KCND2: variants seen among roughly 807,000 people sequenced by gnomAD.
The protein encoded by KCND2 is A-type voltage-gated potassium channel KCND2.
KCND2 carries 16 observed loss-of-function variants against 54.4 expected under a neutral mutation model. The observed-to-expected ratio is 0.29, with a 90% CI of 0.20 to 0.45. The LOEUF (loss-of-function observed/expected upper bound fraction) is 0.45. KCND2 is among the 20% of genes least tolerant of loss of function. KCND2 has a pLI of 1.00. For synonymous variants in KCND2, 317 were observed against 310.7 expected (o/e 1.02, Z -0.21); for missense variants, 486 against 824.2 (o/e 0.59, Z 5.02).
At chr7:120,640,165 T>C (rs1462438142) in intron 1 of KCND2, among the ~76,000 whole-genome samples, 3 of 152,174 alleles carry the variant, frequency 2.0e-5, no homozygotes, top group Non-Finnish European at 2.9e-5. Context: ...GATTGAGCCT[T>C]CACTGAAATT....
chr7:120,645,206 G>A (rs192159703), intron 1 of KCND2, among the ~76,000 whole-genome samples: 97 of 152,316 alleles, frequency 6.4e-4, no homozygotes, highest in Non-Finnish European at 1.9e-4. Context: ...CTGCGTATAA[G>A]CCGGCCGCTT....
At chr7:120,443,784 C>A (rs1164019097) in intron 1 of KCND2, among the ~76,000 whole-genome samples, 3 of 151,936 alleles carry the variant, frequency 2.0e-5, no homozygotes, top group Non-Finnish European at 4.4e-5. Flanking sequence ...AACTGGAGTG[C>A]TTTTGGCTTT....
At chr7:120,284,389 T>C (rs891329534) in intron 1 of KCND2, among the ~76,000 whole-genome samples, 2 of 152,148 alleles carry the variant, frequency 1.3e-5, no homozygotes, top group East Asian at 1.9e-4. Context: ...ACCATCTTAG[T>C]GCACTTTGGA....
intron 1 of KCND2, among the ~76,000 whole-genome samples, chr7:120,422,074 G>A (rs2116136855): frequency 6.6e-6 from 1 of 152,316 alleles, no homozygotes; most frequent in Non-Finnish European, 1.5e-5. Flanking sequence ...ATGAAAAAAG[G>A]AGTGAAGGGG....
chr7:120,351,547 ATGT>A (rs886481002), intron 1 of KCND2, among the ~76,000 whole-genome samples: 5 of 151,746 alleles, frequency 3.3e-5, no homozygotes, highest in African/African-American at 1.2e-4. Context: ...GTGTGATTTA[ATGT>A]TGTTATTTAT....
At chr7:120,608,619 C>T (rs1265408091) in intron 1 of KCND2, among the ~76,000 whole-genome samples, 4 of 152,134 alleles carry the variant, frequency 2.6e-5, no homozygotes, top group Non-Finnish European at 5.9e-5. Flanking sequence ...CCTCTGACGT[C>T]CCACTTTAGC....
At position 120,402,197 on chromosome 7, in the gene KCND2, G is replaced by A. The variant is rs543582662; in HGVS notation, c.1115+126450G>A. Among the ~76,000 whole-genome samples, 4 of 152,160 alleles carry A rather than the reference G, an allele frequency of 2.6e-5. No homozygotes were observed. The East Asian group carries it at 7.7e-4, about 29-fold the overall frequency. ...ATAGTTATAGCTTCCCATTGGCTCT[G>A]TGCTCCCATTTACTCAGCTACTGTA... On this transcript the variant is annotated intron_variant, in intron 1 of 5. Coordinates refer to ENST00000331113, the MANE Select transcript of KCND2 (RefSeq NM_012281.3).
rs575380865 is a variant in KCND2 at position 120,463,954 on chromosome 7, G to T, written c.1115+188207G>T. The stretch of plus-strand genomic sequence containing the variant: ...AGATAGATAGATAGATCGACAGATG[G>T]ATAGATGAATAGTAGAATACCCTGA... On this transcript the variant is annotated intron_variant, in intron 1 of 5. Coordinates refer to ENST00000331113, the MANE Select transcript of KCND2 (RefSeq NM_012281.3). 4 of 518,642 alleles carry T rather than the reference G, an allele frequency of 7.7e-6. No individual in the cohort carries two copies. In the East Asian group the frequency reaches 4.6e-4, roughly 60 times the overall value. The allele number at this position is 518,642 out of a possible 1,614,324, so 32.1% of individuals were successfully genotyped here.
chr7:120,468,724 C>G (rs1006294129), intron 1 of KCND2, among the ~76,000 whole-genome samples: 17 of 152,134 alleles, frequency 1.1e-4, no homozygotes, highest in Middle Eastern at 6.8e-3. Flanking sequence ...TCCACTGTTG[C>G]TGTTTTGTAT....
intron 1 of KCND2, among the ~76,000 whole-genome samples, chr7:120,459,239 C>G (rs930467636): frequency 6.6e-6 from 1 of 152,048 alleles, no homozygotes; most frequent in Admixed American, 6.6e-5. Context: ...GCCGTTCTTC[C>G]GACATAGGAT....
chr7:120,578,823 C>T (rs1792473349), intron 1 of KCND2, among the ~76,000 whole-genome samples: 1 of 151,982 alleles, frequency 6.6e-6, no homozygotes. Flanking sequence ...GAAGATTGCA[C>T]CATTGCACTC....
intron 1 of KCND2, among the ~76,000 whole-genome samples, chr7:120,430,400 C>T (rs1428991078): frequency 6.6e-6 from 1 of 152,126 alleles, no homozygotes; most frequent in Admixed American, 6.6e-5. Context: ...GACCTCACCA[C>T]TTAAGGTCTC....
chr7:120,493,702 A>G (rs1252747147), intron 1 of KCND2, among the ~76,000 whole-genome samples: 1 of 152,142 alleles, frequency 6.6e-6, no homozygotes, highest in Non-Finnish European at 1.5e-5. Flanking sequence ...GCAAAAATTC[A>G]GAATTTTAAC....
At chr7:120,529,870 C>A (rs889553946) in intron 1 of KCND2, among the ~76,000 whole-genome samples, 1 of 152,034 alleles carries the variant, frequency 6.6e-6, no homozygotes, top group Non-Finnish European at 1.5e-5. Context: ...ATCACTTGAG[C>A]GCGGAGCTCA....
At chr7:120,639,763 C>T (rs756326384) in intron 1 of KCND2, among the ~76,000 whole-genome samples, 13 of 152,070 alleles carry the variant, frequency 8.5e-5, no homozygotes, top group Non-Finnish European at 1.6e-4. Context: ...GTGTTTGAGC[C>T]GTGTGGGTAA....
intron 1 of KCND2, among the ~76,000 whole-genome samples, chr7:120,611,560 T>G (rs766120515): frequency 5.3e-5 from 8 of 152,122 alleles, no homozygotes; most frequent in Non-Finnish European, 1.2e-4. Flanking sequence ...AAATGGTTCT[T>G]AAAACTCTAG....
At chr7:120,730,472 T>G (rs1222527045) in intron 1 of KCND2, among the ~76,000 whole-genome samples, 1 of 152,196 alleles carries the variant, frequency 6.6e-6, no homozygotes, top group Non-Finnish European at 1.5e-5. Flanking sequence ...TCTTCTAAAT[T>G]CCTTTAGCTT....
intron 1 of KCND2, among the ~76,000 whole-genome samples, chr7:120,624,780 C>CAAA (rs72112527): frequency 1.6e-5 from 2 of 121,964 alleles, no homozygotes; most frequent in African/African-American, 5.6e-5. Context: ...GACCCTGTCT[C>CAAA]AAAAAAAAAA....
At chr7:120,483,321 T>C (rs941378170) in intron 1 of KCND2, among the ~76,000 whole-genome samples, 2 of 152,096 alleles carry the variant, frequency 1.3e-5, no homozygotes, top group African/African-American at 4.8e-5. Context: ...TTTGTACATA[T>C]CAAGTTTGAG....
Sources: allele counts gnomAD v4.1 joint callset (sites outside exome capture counted in the v4.1 genomes callset), GRCh38; gene constraint gnomAD v4.1.1; transcripts MANE v1.5; gene names NCBI Gene and HGNC (gene_info 2026-07-23, HGNC 2026-07-21).